TP63: variants seen among roughly 807,000 people sequenced by gnomAD.
TP63 encodes the protein tumor protein 63.
Under a neutral mutation model 82.8 loss-of-function variants are expected in TP63, and 17 were observed. The observed-to-expected ratio is 0.21, with a 90% CI of 0.14 to 0.31. The LOEUF (loss-of-function observed/expected upper bound fraction) is 0.31. Ranked by LOEUF, TP63 falls within the 10% of genes least tolerant of loss-of-function variation. The pLI is 1.00. For synonymous variants in TP63, 330 were observed against 321.7 expected (o/e 1.03, Z -0.28); for missense variants, 648 against 895.3 (o/e 0.72, Z 3.52).
At chr3:189,616,962 A>T in the TP63 span, among the ~76,000 whole-genome samples, 1 of 152,206 alleles carries the variant, frequency 6.6e-6, no homozygotes. Context: ...CCAGAGCATT[A>T]GGCATAGAAT....
In TP63 at chr3:189,695,205, C is replaced by T. The variant is rs987875082; in HGVS notation, c.63-42535C>T. Among the ~76,000 whole-genome samples the T allele has an allele frequency of 3.9e-5, 6 of 152,028 alleles. No individual in the cohort carries two copies. In the South Asian group the frequency reaches 6.2e-4, roughly 16 times the overall value. On this transcript the variant is annotated intron_variant, in intron 1 of 13. Coordinates refer to ENST00000264731, the MANE Select transcript of TP63 (RefSeq NM_003722.5). Reference sequence around the variant, plus strand: ...ATATTTATTTATATCATTATAAACTCATGGATAGTTATGTTATACATTGGA... The same window carrying T: ...ATATTTATTTATATCATTATAAACTTATGGATAGTTATGTTATACATTGGA...
At chr3:189,881,716 C>G (rs1359945770) in intron 10 of TP63, among the ~76,000 whole-genome samples, 3 of 152,062 alleles carry the variant, frequency 2.0e-5, no homozygotes, top group African/African-American at 7.2e-5. Flanking sequence ...ACTAAAATGC[C>G]TAAACTAACT....
At chr3:189,835,532 T>C (rs1468455063) in intron 4 of TP63, among the ~76,000 whole-genome samples, 1 of 152,196 alleles carries the variant, frequency 6.6e-6, no homozygotes, top group Non-Finnish European at 1.5e-5. Flanking sequence ...AGCATTGCAA[T>C]ACATTCTTAC....
intron 4 of TP63, among the ~76,000 whole-genome samples, chr3:189,840,928 G>C (rs556614656): frequency 7.3e-5 from 11 of 151,238 alleles, no homozygotes; most frequent in African/African-American, 2.7e-4. Context: ...AAGCTAGAGA[G>C]CGCTTTGGAA....
chr3:189,645,358 C>A (rs118009480), intron 1 of TP63: 438 of 533,046 alleles, frequency 8.2e-4, no homozygotes, highest in East Asian at 5.3e-3. Flanking sequence ...GTAAGCAGAA[C>A]TGTACTGGGT....
At chr3:189,840,792 G>A (rs1713975827) in intron 4 of TP63, among the ~76,000 whole-genome samples, 2 of 150,360 alleles carry the variant, frequency 1.3e-5, no homozygotes, top group Non-Finnish European at 3.0e-5. Context: ...GGGAGGCAGA[G>A]GTTGCAGTGA....
chr3:189,880,741 C>T (rs1719819440), intron 10 of TP63: 12 of 985,224 alleles, frequency 1.2e-5, no homozygotes, highest in Middle Eastern at 5.2e-4. Flanking sequence ...TGCTGGGCAG[C>T]GAGGTGATCA....
chr3:189,652,710 A>G (rs2108638544), intron 1 of TP63, among the ~76,000 whole-genome samples: 1 of 146,920 alleles, frequency 6.8e-6, no homozygotes, highest in Non-Finnish European at 1.5e-5. Flanking sequence ...AGTTCCCATA[A>G]TCCCCACGTG....
rs184511790 is a variant in TP63, at chr3:189,864,088, A to G, written c.580-144A>G. The G allele has an allele frequency of 8.8e-4, 889 of 1,012,624 alleles. 14 individuals are homozygous for G. The highest frequency in any genetic ancestry group is 1.0e-4 in the Non-Finnish European group (64 of 642,598). The allele number at this position is 1,012,624 out of a possible 1,614,324, so 62.7% of individuals were successfully genotyped here. A position where few individuals can be genotyped will look rare whatever the true frequency, so the allele number is the denominator to read the frequency against. On this transcript the variant is annotated intron_variant, in intron 4 of 13. Coordinates refer to ENST00000264731, the MANE Select transcript of TP63 (RefSeq NM_003722.5). ...TAACTTCCTCTAATAACATTGACATACGTCACATCTATAGTAGCCAGTAGT... is the reference window on the plus strand; with the variant it reads ...TAACTTCCTCTAATAACATTGACATGCGTCACATCTATAGTAGCCAGTAGT...
intron 4 of TP63, among the ~76,000 whole-genome samples, chr3:189,831,713 A>T (rs1297953282): frequency 6.6e-6 from 1 of 151,750 alleles, no homozygotes; most frequent in Non-Finnish European, 1.5e-5. Flanking sequence ...CACTGTAATT[A>T]AAGTGGTATT....
chr3:189,654,632 A>G (rs1713176423), intron 1 of TP63, among the ~76,000 whole-genome samples: 1 of 152,214 alleles, frequency 6.6e-6, no homozygotes, highest in Non-Finnish European at 1.5e-5. Context: ...TAAAGTTATA[A>G]TGGCTTTTTA....
intron 3 of TP63, among the ~76,000 whole-genome samples, chr3:189,764,399 G>C (rs1334692026): frequency 6.6e-6 from 1 of 152,108 alleles, no homozygotes; most frequent in Non-Finnish European, 1.5e-5. Context: ...CTGACTGGGA[G>C]GATTACAGGT....
chr3:189,620,281 T>C, the TP63 span, among the ~76,000 whole-genome samples: 7 of 151,080 alleles, frequency 4.6e-5, no homozygotes, highest in Non-Finnish European at 1.0e-4. Context: ...TCCCAGCACT[T>C]TGGGAGGCCA....
the TP63 span, among the ~76,000 whole-genome samples, chr3:189,607,880 A>G: frequency 6.6e-6 from 1 of 152,132 alleles, no homozygotes; most frequent in Non-Finnish European, 1.5e-5. Flanking sequence ...TTCAAAACTC[A>G]TGACTCTAAT....
At chr3:189,828,654 T>G (rs1321993888) in intron 4 of TP63, among the ~76,000 whole-genome samples, 2 of 152,152 alleles carry the variant, frequency 1.3e-5, no homozygotes, top group East Asian at 1.9e-4. Context: ...GGTAAAAAAT[T>G]TATTGGTTTA....
At chr3:189,646,386 G>A (rs1295016985) in intron 1 of TP63, among the ~76,000 whole-genome samples, 6 of 146,832 alleles carry the variant, frequency 4.1e-5, no homozygotes, top group Non-Finnish European at 8.9e-5. Context: ...AGTGAAGGAC[G>A]CTCTTGCTTA....
At chr3:189,603,075 T>C in the TP63 span, among the ~76,000 whole-genome samples, 1 of 152,138 alleles carries the variant, frequency 6.6e-6, no homozygotes, top group Non-Finnish European at 1.5e-5. Context: ...TGCAAAAGAA[T>C]GGAGGCTCTT....
the TP63 span, among the ~76,000 whole-genome samples, chr3:189,601,326 C>T: frequency 1.3e-5 from 2 of 152,084 alleles, no homozygotes; most frequent in Admixed American, 1.3e-4. Context: ...CAGAAATGTC[C>T]ACATCTAGCG....
At chr3:189,872,064 C>T (rs1718488978) in intron 9 of TP63, among the ~76,000 whole-genome samples, 1 of 152,152 alleles carries the variant, frequency 6.6e-6, no homozygotes, top group Admixed American at 6.6e-5. Context: ...TTAAGGGACT[C>T]TCTTAAAGAG....
Sources: gnomAD v4.1 joint callset for allele counts (sites outside exome capture counted in the v4.1 genomes callset) on GRCh38, gnomAD v4.1.1 for gene constraint, MANE v1.5 for transcripts, NCBI Gene and HGNC (gene_info 2026-07-23, HGNC 2026-07-21) for gene names.